The following FRY variants were observed in gnomAD, a reference collection of about 807,000 sequenced individuals.
FRY encodes FRY microtubule binding protein.
FRY carries 128 observed loss-of-function variants against 348.4 expected under a neutral mutation model. That is an observed-to-expected ratio of 0.37 (90% CI 0.32 to 0.43). FRY has a LOEUF of 0.43. FRY is among the 20% of genes least tolerant of loss of function. The pLI, the probability that FRY is intolerant of heterozygous loss-of-function variation, is 1.00. For synonymous variants in FRY, 1,370 were observed against 1,374.7 expected (o/e 1.00, Z 0.08); for missense variants, 2,736 against 3,695.2 (o/e 0.74, Z 6.73).
chr13:32,078,030 A>G (rs1316380728), intron 1 of FRY, among the ~76,000 whole-genome samples: 1 of 152,226 alleles, frequency 6.6e-6, no homozygotes, highest in African/African-American at 2.4e-5. Context: ...GTACTGTAAA[A>G]AGTAGAGACT....
intron 7 of FRY, among the ~76,000 whole-genome samples, chr13:32,129,689 T>C (rs1349892742): frequency 6.6e-6 from 1 of 152,224 alleles, no homozygotes; most frequent in Non-Finnish European, 1.5e-5. Flanking sequence ...GTTGTCTAAA[T>C]CTTCTTGAAG....
intron 17 of FRY, among the ~76,000 whole-genome samples, chr13:32,170,542 G>GTTTT (rs2138209503): frequency 6.6e-6 from 1 of 152,242 alleles, no homozygotes; most frequent in Non-Finnish European, 1.5e-5. Flanking sequence ...GTTTTGTTTT[G>GTTTT]TTTTGTTTTT....
At position 32,211,024 on chromosome 13, in the gene FRY, A is replaced by G. The variant is rs764020596; in HGVS notation, c.4581A>G (p.Ala1527=). The G allele has an allele frequency of 1.9e-6, 3 of 1,613,922 alleles. No homozygotes were observed. The highest frequency in any genetic ancestry group is 2.2e-5 in the East Asian group (1 of 44,904). The change falls in exon 34 of 61, where the codon GCA becomes GCG. Residue 1527 remains alanine (A), a synonymous_variant. Transcript: ENST00000542859. ...YRFTASSKAS[A]AASGTTSSSN... The stretch of plus-strand genomic sequence containing the variant: ...TCACGGCCAGTAGCAAGGCTTCCGC[A>G]GCAGCCTCAGGTAAGAAGAGCAACC...
intron 1 of FRY, among the ~76,000 whole-genome samples, chr13:32,064,647 G>A (rs1346447081): frequency 1.3e-5 from 2 of 152,218 alleles, no homozygotes; most frequent in East Asian, 3.9e-4. Context: ...TCCTAAATTC[G>A]TGTGCTCATC....
chr13:32,164,478 G>A lies in FRY; in HGVS notation c.1892+3227G>A, dbSNP rs369523034. ...AGGCCCTTCCTGCACTTTGAGTAATGGCTGAATACCACAGACACTTACACC... is the reference window on the plus strand; with the variant it reads ...AGGCCCTTCCTGCACTTTGAGTAATAGCTGAATACCACAGACACTTACACC... On this transcript the variant is annotated intron_variant, in intron 17 of 60. Coordinates refer to ENST00000542859, the MANE Select transcript of FRY (RefSeq NM_023037.3). Among the ~76,000 whole-genome samples the A allele has an allele frequency of 2.0e-5, 3 of 152,212 alleles. No individual in the cohort carries two copies. In the East Asian group the frequency reaches 5.8e-4, roughly 29 times the overall value.
At chr13:32,219,815 A>C (rs907443955) in intron 36 of FRY, among the ~76,000 whole-genome samples, 1 of 152,068 alleles carries the variant, frequency 6.6e-6, no homozygotes, top group Non-Finnish European at 1.5e-5. Context: ...AATGCTGCTC[A>C]CTCAGGATAG....
chr13:32,250,182 G>A lies in FRY; in HGVS notation c.7170+495G>A, dbSNP rs545643158. ...GATGGCAAGGGGCGGGGGTACTGCT[G>A]CCAGATTCTCTGTAGTTCTGTCATC... On this transcript the variant is annotated intron_variant, in intron 49 of 60. Coordinates refer to ENST00000542859, the MANE Select transcript of FRY (RefSeq NM_023037.3). Among the ~76,000 whole-genome samples the A allele has an allele frequency of 2.1e-3, 316 of 152,344 alleles. 4 individuals are homozygous for A. Among genetic ancestry groups the A allele is most frequent in the African/African-American group, 7.4e-3 (307 of 41,580 alleles).
chr13:32,249,806 C>A (rs1215028021), intron 49 of FRY, 119 bp downstream of exon 49: 5 of 833,706 alleles, frequency 6.0e-6, no homozygotes, highest in Non-Finnish European at 1.0e-5. Context: ...GGTCTCAGCA[C>A]TTCCAGGGAT....
chr13:32,113,008 C>T (rs912049575), intron 3 of FRY, among the ~76,000 whole-genome samples: 1 of 151,662 alleles, frequency 6.6e-6, no homozygotes, highest in Non-Finnish European at 1.5e-5. Context: ...CTTTTCCTAA[C>T]TTGAATGAAA....
At chr13:32,082,482 A>T (rs1453887261) in intron 2 of FRY, among the ~76,000 whole-genome samples, 1 of 152,216 alleles carries the variant, frequency 6.6e-6, no homozygotes, top group African/African-American at 2.4e-5. Context: ...AAACAAGCTA[A>T]TGGGGTCATC....
intron 2 of FRY, among the ~76,000 whole-genome samples, chr13:32,079,718 T>C (rs147312060): frequency 3.3e-5 from 5 of 152,226 alleles, no homozygotes; most frequent in African/African-American, 1.2e-4. Context: ...ACTGAATCTC[T>C]CCAAAGGACA....
intron 3 of FRY, among the ~76,000 whole-genome samples, chr13:32,110,887 G>C (rs1877910230): frequency 6.6e-6 from 1 of 152,176 alleles, no homozygotes; most frequent in South Asian, 2.1e-4. Context: ...GCATGTGTCA[G>C]AGCAATCAGA....
At chr13:32,100,421 T>C (rs944676438) in intron 2 of FRY, among the ~76,000 whole-genome samples, 1 of 152,086 alleles carries the variant, frequency 6.6e-6, no homozygotes, top group Non-Finnish European at 1.5e-5. Flanking sequence ...AAATATTAAA[T>C]TTTTCAAATA....
intron 17 of FRY, among the ~76,000 whole-genome samples, chr13:32,161,507 T>C (rs1168333127): frequency 6.6e-6 from 1 of 152,144 alleles, no homozygotes; most frequent in Non-Finnish European, 1.5e-5. Flanking sequence ...GGCACAAAAA[T>C]ATACAATACA....
intron 17 of FRY, among the ~76,000 whole-genome samples, chr13:32,166,933 G>A (rs751971172): frequency 3.3e-5 from 5 of 152,142 alleles, no homozygotes; most frequent in Non-Finnish European, 5.9e-5. Context: ...GGTAGAGCAT[G>A]TAAACACTGT....
chr13:32,071,759 T>C (rs2138499006), intron 1 of FRY, among the ~76,000 whole-genome samples: 1 of 152,272 alleles, frequency 6.6e-6, no homozygotes, highest in Middle Eastern at 3.4e-3. Context: ...AATCAGTGGA[T>C]ATAAAGTTTT....
Position 32,124,322 on chromosome 13 carries a change from G to A in FRY, c.501G>A (p.Arg167=). 6.2e-7 allele frequency: 1 copy of A among 1,602,718 alleles called. No homozygotes were observed. Among genetic ancestry groups the A allele is most frequent in the African/African-American group, 1.3e-5 (1 of 74,782 alleles). ...EQQRDYLMER[R]DLAIDFIFSL... is the part of the protein sequence containing the mutation. ...AGCGAGATTATTTAATGGAAAGACGGGACCTCGCCATTGATTTTATTTTTT... is the reference window on the plus strand; with the variant it reads ...AGCGAGATTATTTAATGGAAAGACGAGACCTCGCCATTGATTTTATTTTTT... The change falls in exon 5 of 61, where the codon CGG becomes CGA. Residue 167 remains arginine, a synonymous_variant. Coordinates refer to ENST00000542859, the MANE Select transcript of FRY (RefSeq NM_023037.3).
intron 47 of FRY, among the ~76,000 whole-genome samples, chr13:32,244,841 G>T (rs1452832616): frequency 6.6e-6 from 1 of 152,164 alleles, no homozygotes; most frequent in African/African-American, 2.4e-5. Flanking sequence ...CTGGCTCCAA[G>T]ATTTCAGTTA....
intron 2 of FRY, chr13:32,085,862 C>T (rs760717848): frequency 1.2e-5 from 6 of 518,966 alleles, no homozygotes; most frequent in South Asian, 8.4e-5. Flanking sequence ...GACAGAGACA[C>T]AACCACAGCT....
Sources: gnomAD v4.1 joint callset for allele counts (sites outside exome capture counted in the v4.1 genomes callset) on GRCh38, gnomAD v4.1.1 for gene constraint, MANE v1.5 for transcripts, NCBI Gene and HGNC (gene_info 2026-07-23, HGNC 2026-07-21) for gene names.